KNG1: variants seen among roughly 807,000 people sequenced by gnomAD.
The protein encoded by KNG1 is kininogen-1.
KNG1 carries 23 observed loss-of-function variants against 47.8 expected under a neutral mutation model. The ratio of observed to expected loss-of-function variants is 0.48; its 90% CI spans 0.35 to 0.68. The LOEUF (loss-of-function observed/expected upper bound fraction) is 0.68, where lower values mean the gene tolerates loss of function less well. Among genes scored for constraint, KNG1 ranks in the 30% least tolerant of loss-of-function variants. KNG1 has a pLI of 0.01. For synonymous variants in KNG1, 277 were observed against 277.0 expected, an observed-to-expected ratio of 1.00 and a Z score of 0.00; for missense variants, 762 against 790.2, an observed-to-expected ratio of 0.96 and a Z score of 0.43.
chr3:186,720,575 A>G, intron 2 of KNG1: 1 of 320,730 alleles, frequency 3.1e-6, no homozygotes, highest in Non-Finnish European at 6.0e-6. Flanking sequence ...GCAAATCTTG[A>G]CTCTGCCTTC....
chr3:186,724,393 G>A (rs956564764), intron 3 of KNG1, among the ~76,000 whole-genome samples: 15 of 152,176 alleles, frequency 9.9e-5, no homozygotes, highest in Admixed American at 3.3e-4. Flanking sequence ...TATCTGTTAT[G>A]AACATTACTT....
chr3:186,731,335 G>A (rs1036912793), intron 5 of KNG1, among the ~76,000 whole-genome samples: 3 of 151,786 alleles, frequency 2.0e-5, no homozygotes, highest in Non-Finnish European at 4.4e-5. Flanking sequence ...TGCTTTCCAT[G>A]TGCTCATGTA....
chr3:186,737,061 GAC>G (rs1720688690), intron 7 of KNG1, among the ~76,000 whole-genome samples: 1 of 152,092 alleles, frequency 6.6e-6, no homozygotes, highest in Non-Finnish European at 1.5e-5. Context: ...AAAGAAAAAA[GAC>G]ACCAGTTGAG....
At chr3:186,737,898 G>T (rs1052253125) in intron 7 of KNG1, among the ~76,000 whole-genome samples, 3 of 151,860 alleles carry the variant, frequency 2.0e-5, no homozygotes, top group African/African-American at 7.3e-5. Flanking sequence ...TAAATAATTT[G>T]GTTGAGAAAT....
At chr3:186,718,917 A>G (rs926419782) in intron 1 of KNG1, among the ~76,000 whole-genome samples, 1 of 152,206 alleles carries the variant, frequency 6.6e-6, no homozygotes, top group African/African-American at 2.4e-5. Context: ...AGAAATACCA[A>G]TCTTTCAAGA....
intron 4 of KNG1, 57 bp from the exon 5 acceptor site, chr3:186,727,180 C>T (rs1720397487): frequency 8.7e-7 from 1 of 1,150,000 alleles, no homozygotes; most frequent in African/African-American, 1.5e-5. Flanking sequence ...ACATTCATAT[C>T]CCACAGCGAA....
intron 2 of KNG1, 66 bp downstream of exon 2, chr3:186,720,281 A>T: frequency 1.0e-6 from 1 of 972,282 alleles, no homozygotes; most frequent in Non-Finnish European, 1.7e-6. Flanking sequence ...TTTTTTACTG[A>T]TGCAGAAATG....
At chr3:186,733,940 C>A (rs1720607813) in intron 7 of KNG1, among the ~76,000 whole-genome samples, 1 of 152,126 alleles carries the variant, frequency 6.6e-6, no homozygotes, top group Non-Finnish European at 1.5e-5. Flanking sequence ...TGCACTCCAG[C>A]CTGGGCAACA....
At chr3:186,721,786 C>G (rs991342128) in intron 2 of KNG1, 1 of 153,700 alleles carries the variant, frequency 6.5e-6, no homozygotes, top group African/African-American at 2.4e-5. Context: ...CAGGCTGGTT[C>G]TAGACCTCTG....
At chr3:186,738,918 C>T (rs892203833) in intron 7 of KNG1, 181 bp from the exon 8 acceptor site, 6 of 597,418 alleles carry the variant, frequency 1.0e-5, no homozygotes, top group Admixed American at 8.7e-5. Context: ...TGGGACCAAC[C>T]GATAGCCAAA....
rs1389745002 is a variant in KNG1, at chr3:186,741,964, A to G, written c.1568A>G (p.His523Arg). 1 of 1,614,114 alleles carries G rather than the reference A, an allele frequency of 6.2e-7. No homozygotes were observed. The highest frequency in any genetic ancestry group is 1.7e-5 in the Admixed American group (1 of 60,008). ...NGKHNGWKTE[H>R]LASSSEDSTT... is the part of the protein sequence containing the mutation. ...AAGCACAATGGTTGGAAAACAGAGC[A>G]TTTGGCAAGCTCTTCTGAAGACAGT... Residue 523 changes from histidine to arginine, a missense_variant, in exon 10 of 10, where the codon CAT (histidine) becomes CGT (arginine). Physicochemically the swap from His to Arg is conservative, Grantham distance 29 (BLOSUM62 0). Transcript: ENST00000644859.
chr3:186,725,954 T>G (rs1720357903), intron 4 of KNG1, among the ~76,000 whole-genome samples: 1 of 150,290 alleles, frequency 6.7e-6, no homozygotes, highest in African/African-American at 2.4e-5. Context: ...TTTTTTTTTT[T>G]GACAGTCTCG....
rs771018405 is a variant in KNG1, at chr3:186,720,062, G to A, written c.196-43G>A. ...GAACCCACTAGAATTATTTGCTGTT[G>A]GGTCAGTTGGATGAACCCTAAGTAT... On this transcript the variant is annotated intron_variant, in intron 1 of 9. Transcript: ENST00000644859. 1.4e-4 allele frequency: 179 copies of A among 1,250,488 alleles called. 2 individuals are homozygous for A. In the South Asian group the frequency reaches 2.0e-3, roughly 14 times the overall value. The allele number at this position is 1,250,488 out of a possible 1,614,324, so 77.5% of individuals were successfully genotyped here. A position where few individuals can be genotyped will look rare whatever the true frequency, so the allele number is the denominator to read the frequency against.
At chr3:186,733,328 C>T (rs938641438) in intron 7 of KNG1, among the ~76,000 whole-genome samples, 5 of 152,168 alleles carry the variant, frequency 3.3e-5, no homozygotes, top group Admixed American at 2.6e-4. Flanking sequence ...GGAAGACTTA[C>T]GCTATGTCTT....
chr3:186,742,557 TTTC>T lies in KNG1; in HGVS notation c.*228_*230del. 7.2e-7 allele frequency: 1 copy of T among 1,380,146 alleles called. No individual in the cohort carries two copies. Among genetic ancestry groups the T allele is most frequent in the Non-Finnish European group, 9.4e-7 (1 of 1,068,934 alleles). 85.5% of individuals were successfully genotyped at this position (1,380,146 alleles called of 1,614,324 possible). A position where few individuals can be genotyped will look rare whatever the true frequency, so the allele number is the denominator to read the frequency against. On this transcript the variant is annotated 3_prime_UTR_variant, in exon 10 of 10. Coordinates refer to ENST00000644859, the MANE Select transcript of KNG1 (RefSeq NM_001102416.3). Reference sequence around the variant, plus strand: ...TCTTTTCTGAATCTTCTTCCCAAGTTTTCTAAACTAGCACAGTAAACAGACAAA... The same window carrying T: ...TCTTTTCTGAATCTTCTTCCCAAGTTTAAACTAGCACAGTAAACAGACAAA...
In KNG1 at chr3:186,722,108, ACT is replaced by A. The variant is rs1314004525; in HGVS notation, c.307-326_307-325del. 2.4e-4 allele frequency: 47 copies of A among 199,938 alleles called. 1 individual carries two copies. Among genetic ancestry groups the A allele is most frequent in the South Asian group, 2.3e-3 (39 of 16,704 alleles). The allele number at this position is 199,938 out of a possible 1,614,324, so 12.4% of individuals were successfully genotyped here. On this transcript the variant is annotated intron_variant, in intron 2 of 9. Transcript: ENST00000644859. ...CTCCAGCCTGGGTAACAAAAGCAAC[ACT>A]CTGTCTCAAAAAAAAAAAAAAAAAA...
At position 186,739,402 on chromosome 3, in the gene KNG1, A is replaced by G; in HGVS notation, c.1113A>G (p.Gln371=). The part of the protein sequence containing the change: ...EKKIYPTVNC[Q]PLGMISLMKR... ...AAATTTACCCTACTGTCAACTGTCA[A>G]CCACTGGGAATGGTATGATTCTAAT... Residue 371 remains glutamine, a synonymous_variant, in exon 9 of 10, where the codon CAA becomes CAG. Transcript: ENST00000644859. The G allele has an allele frequency of 1.2e-6, 2 of 1,606,434 alleles. No homozygotes were observed. The highest frequency in any genetic ancestry group is 1.7e-6 in the Non-Finnish European group (2 of 1,172,948).
At position 186,743,112 on chromosome 3, in the gene KNG1, C is replaced by A; in HGVS notation, c.*781C>A. ...TTTACTCATTAACTACTCTTTGCAA[C>A]AGGCTTTCATATAGAAGTATTCTGT... On this transcript the variant is annotated 3_prime_UTR_variant, in exon 10 of 10. Coordinates refer to ENST00000644859, the MANE Select transcript of KNG1 (RefSeq NM_001102416.3). 5.2e-6 allele frequency: 1 copy of A among 191,302 alleles called. No individual in the cohort carries two copies. The highest frequency in any genetic ancestry group is 9.6e-6 in the Non-Finnish European group (1 of 103,630). 11.9% of individuals were successfully genotyped at this position (191,302 alleles called of 1,614,324 possible).
rs542069764 is a variant in KNG1, at chr3:186,742,035, C to A, written c.1639C>A (p.Pro547Thr). 1 of 1,613,986 alleles carries A rather than the reference C, an allele frequency of 6.2e-7. No homozygotes were observed. The highest frequency in any genetic ancestry group is 8.5e-7 in the Non-Finnish European group (1 of 1,179,964). ...ACAAGAGAAGACAGAAGGGCCAACA[C>A]CCATCCCTTCCCTAGCCAAGCCAGG... ...QTQEKTEGPT[P>T]IPSLAKPGVT... Residue 547 changes from proline to threonine, a missense_variant, in exon 10 of 10, where the codon CCC becomes ACC. Transcript: ENST00000644859.
Sources: gnomAD v4.1 joint callset for allele counts (sites outside exome capture counted in the v4.1 genomes callset) on GRCh38, gnomAD v4.1.1 for gene constraint, MANE v1.5 for transcripts, NCBI Gene and HGNC (gene_info 2026-07-23, HGNC 2026-07-21) for gene names.